Variants in PTK2B observed in about 807,000 individuals in gnomAD.
The protein encoded by PTK2B is protein tyrosine kinase 2 beta, also known as protein-tyrosine kinase 2-beta.
In PTK2B, 71 loss-of-function variants were observed where a neutral mutation model predicts 142.9. The ratio of observed to expected loss-of-function variants is 0.50; its 90% CI spans 0.41 to 0.61. The LOEUF (loss-of-function observed/expected upper bound fraction) is 0.61, where lower values mean the gene tolerates loss of function less well. Among genes scored for constraint, PTK2B ranks in the 20% least tolerant of loss-of-function variants. PTK2B has a pLI of 0.00. For missense variants in PTK2B, 1,105 were observed against 1,320.4 expected, an observed-to-expected ratio of 0.84 and a Z score of 2.53; for synonymous variants, 519 against 503.4, an observed-to-expected ratio of 1.03 and a Z score of -0.42.
intron 6 of PTK2B, 38 bp from the exon 7 acceptor site, chr8:27,430,325 AG>A: frequency 1.2e-6 from 2 of 1,613,612 alleles, no homozygotes; most frequent in East Asian, 2.2e-5. Flanking sequence ...GGTGGGGGTG[AG>A]GGGGAGTCAC....
chr8:27,420,532 C>T (rs936168427), intron 3 of PTK2B, 125 bp from the exon 4 acceptor site: 37 of 891,122 alleles, frequency 4.2e-5, no homozygotes, highest in Middle Eastern at 3.1e-4. Context: ...TGAGTGGCCA[C>T]GAGACTCATG....
Position 27,435,804 on chromosome 8 carries a change from G to T in PTK2B, c.1243+11G>T. The T allele has an allele frequency of 6.2e-7, 1 of 1,613,414 alleles. No individual in the cohort carries two copies. The highest frequency in any genetic ancestry group is 2.2e-5 in the East Asian group (1 of 44,884). The stretch of plus-strand genomic sequence containing the variant: ...TGCGAAGGCCCGGAGGTAGGTTCTC[G>T]ACCCCGCCACAGCGACCGTAGTCAA... On this transcript the variant is annotated intron_variant, in intron 14 of 30. Transcript: ENST00000346049.
At chr8:27,432,710 T>TTTTGTTTG (rs780924414) in intron 10 of PTK2B, among the ~76,000 whole-genome samples, 24 of 152,066 alleles carry the variant, frequency 1.6e-4, no homozygotes, top group Non-Finnish European at 2.9e-4. Context: ...ACATGGGTTT[T>TTTTGTTTG]TTTGTTTGTT....
Position 27,440,453 on chromosome 8 carries a change from GTGTGGGC to G in PTK2B, c.2039+22_2039+28del, listed in dbSNP as rs760216861. 6.2e-7 allele frequency: 1 copy of G among 1,612,676 alleles called. No homozygotes were observed. The highest frequency in any genetic ancestry group is 1.9e-4 in the Middle Eastern group (1 of 5,374). On this transcript the variant is annotated intron_variant, in intron 21 of 30. Coordinates refer to ENST00000346049, the MANE Select transcript of PTK2B (RefSeq NM_173176.3). ...GTGTGCAGCCTCAGGTGAGCATGGAGTGTGGGCTGTGGGCTGGGGGCCCACCCGGCTG... is the reference window on the plus strand; with the variant it reads ...GTGTGCAGCCTCAGGTGAGCATGGAGTGTGGGCTGGGGGCCCACCCGGCTG...
intron 21 of PTK2B, among the ~76,000 whole-genome samples, chr8:27,441,903 TG>T (rs1370437442): frequency 6.6e-6 from 1 of 151,932 alleles, no homozygotes; most frequent in African/African-American, 2.4e-5. Context: ...CATCATCTCC[TG>T]GGCTGAGAGG....
chr8:27,317,338 T>C (rs546652070), intron 3 of PTK2B, among the ~76,000 whole-genome samples: 1 of 152,344 alleles, frequency 6.6e-6, no homozygotes, highest in African/African-American at 2.4e-5. Context: ...CTGAGATACA[T>C]TAGGGGCTCT....
At chr8:27,456,831 A>T (rs934983421) in intron 30 of PTK2B, among the ~76,000 whole-genome samples, 4 of 152,208 alleles carry the variant, frequency 2.6e-5, no homozygotes, top group African/African-American at 9.6e-5. Flanking sequence ...AGTGGTCTGG[A>T]TAGAAGATCA....
chr8:27,311,176 G>A (rs202177601), upstream of PTK2B: 1 of 1,606,426 alleles, frequency 6.2e-7, no homozygotes, highest in Non-Finnish European at 8.5e-7. Context: ...AGACGGCGCA[G>A]AGCAACTCCT....
intron 2 of PTK2B, among the ~76,000 whole-genome samples, chr8:27,411,250 G>A (rs905271163): frequency 6.6e-6 from 1 of 152,172 alleles, no homozygotes; most frequent in Non-Finnish European, 1.5e-5. Context: ...TGCTTGAGAA[G>A]CTGTTTACAT....
At chr8:27,431,094 G>A in intron 8 of PTK2B, 78 bp downstream of exon 8, 1 of 1,551,240 alleles carries the variant, frequency 6.4e-7, no homozygotes, top group South Asian at 1.2e-5. Flanking sequence ...AGGGGGCAGG[G>A]AGAGGCTGCA....
At position 27,454,165 on chromosome 8, in the gene PTK2B, C is replaced by G. The variant is rs775713707; in HGVS notation, c.2607C>G (p.Pro869=). ...PPRLGAQSIQ[P]TANLDRTDDL... is the part of the protein sequence containing the mutation. Reference sequence around the variant, plus strand: ...CGTCTTCCCCTCAGTCCATCCAGCCCACAGCTAACCTGGACCGGACTGATG... The same window carrying G: ...CGTCTTCCCCTCAGTCCATCCAGCCGACAGCTAACCTGGACCGGACTGATG... The change falls in exon 29 of 31, where the codon CCC becomes CCG. Residue 869 remains proline, a synonymous_variant. Transcript: ENST00000346049. 12 of 1,614,124 alleles carry G rather than the reference C, an allele frequency of 7.4e-6. No homozygotes were observed. The highest frequency in any genetic ancestry group is 5.5e-5 in the South Asian group (5 of 91,070).
chr8:27,386,763 A>G (rs1807385557), intron 1 of PTK2B, among the ~76,000 whole-genome samples: 1 of 152,172 alleles, frequency 6.6e-6, no homozygotes, highest in Admixed American at 6.5e-5. Flanking sequence ...GGGGGTTGGC[A>G]GGTGAAGCTT....
At position 27,382,280 on chromosome 8, in the gene PTK2B, T is replaced by C. The variant is rs1807074366; in HGVS notation, c.-37-15268T>C. ...TTCTTTTGAGAAATGTCCTTTCAGA[T>C]ACTTTGCTCATTAAAAAAAAATTAT... On this transcript the variant is annotated intron_variant, in intron 1 of 30. Transcript: ENST00000346049. Among the ~76,000 whole-genome samples, 4 of 152,186 alleles carry C rather than the reference T, an allele frequency of 2.6e-5. No homozygotes were observed. In the South Asian group the frequency reaches 8.3e-4, roughly 31 times the overall value.
chr8:27,439,874 G>A (rs1246790432), intron 20 of PTK2B, among the ~76,000 whole-genome samples: 2 of 152,108 alleles, frequency 1.3e-5, no homozygotes, highest in African/African-American at 2.4e-5. Context: ...GAGCCTGCCC[G>A]CAATCACACA....
At chr8:27,429,801 T>G (rs1220900525) in intron 5 of PTK2B, among the ~76,000 whole-genome samples, 1 of 152,180 alleles carries the variant, frequency 6.6e-6, no homozygotes, top group Non-Finnish European at 1.5e-5. Flanking sequence ...GGGCCTTTGT[T>G]CTTAGAGGCC....
chr8:27,387,702 CT>C (rs1488541407), intron 1 of PTK2B, among the ~76,000 whole-genome samples: 1 of 152,226 alleles, frequency 6.6e-6, no homozygotes, highest in African/African-American at 2.4e-5. Flanking sequence ...ACTACATTAA[CT>C]TTTTTTGGCA....
intron 28 of PTK2B, 129 bp from the exon 29 acceptor site, chr8:27,454,022 AATT>A: frequency 3.1e-6 from 4 of 1,306,354 alleles, no homozygotes; most frequent in Non-Finnish European, 4.3e-6. Context: ...GACAGGGCAC[AATT>A]ATTCTAAAGA....
intron 2 of PTK2B, among the ~76,000 whole-genome samples, chr8:27,312,651 T>C (rs968015253): frequency 1.1e-4 from 16 of 152,336 alleles, no homozygotes; most frequent in African/African-American, 3.4e-4. Flanking sequence ...AATTTTTCTC[T>C]GCCCTCCTAT....
chr8:27,368,277 C>T (rs556601530), intron 1 of PTK2B, among the ~76,000 whole-genome samples: 3 of 152,182 alleles, frequency 2.0e-5, no homozygotes, highest in Non-Finnish European at 2.9e-5. Context: ...CCTCCTTGAC[C>T]GAACCTTAGG....
Sources: allele counts gnomAD v4.1 joint callset (sites outside exome capture counted in the v4.1 genomes callset), GRCh38; gene constraint gnomAD v4.1.1; transcripts MANE v1.5; gene names NCBI Gene and HGNC (gene_info 2026-07-23, HGNC 2026-07-21).